The following ANO4 variants were observed in gnomAD, a reference collection of about 807,000 sequenced individuals.
The protein encoded by ANO4 is anoctamin 4.
In ANO4, 69 loss-of-function variants were observed where a neutral mutation model predicts 141.9. The ratio of observed to expected loss-of-function variants is 0.49; its 90% CI spans 0.40 to 0.59. The LOEUF is 0.59. Ranked by LOEUF, ANO4 falls within the 20% of genes least tolerant of loss-of-function variation. ANO4 has a pLI of 0.00. For synonymous variants in ANO4, 350 were observed against 394.3 expected, an observed-to-expected ratio of 0.89 and a Z score of 1.33; for missense variants, 894 against 1,162.2, an observed-to-expected ratio of 0.77 and a Z score of 3.36.
intron 7 of ANO4, among the ~76,000 whole-genome samples, chr12:100,978,198 T>C (rs1442951154): frequency 6.6e-6 from 1 of 152,142 alleles, no homozygotes; most frequent in Non-Finnish European, 1.5e-5. Context: ...ACCAAGCACA[T>C]AGGAGATGGA....
chr12:101,034,726 CAG>C (rs1042082150), intron 9 of ANO4, among the ~76,000 whole-genome samples: 3 of 152,100 alleles, frequency 2.0e-5, no homozygotes, highest in African/African-American at 7.2e-5. Flanking sequence ...ACTCAAAACT[CAG>C]TGAATCCAAA....
At chr12:100,931,932 AGT>A (rs1279255635) in intron 3 of ANO4, among the ~76,000 whole-genome samples, 2 of 152,022 alleles carry the variant, frequency 1.3e-5, no homozygotes, top group East Asian at 3.9e-4. Flanking sequence ...CAATCTGGTA[AGT>A]GTTAAAATTG....
intron 1 of ANO4, among the ~76,000 whole-genome samples, chr12:100,888,501 A>G (rs2039947534): frequency 1.3e-5 from 2 of 152,252 alleles, no homozygotes; most frequent in Non-Finnish European, 2.9e-5. Context: ...TAGACCTTGC[A>G]GAGGGCTTTC....
At chr12:100,720,372 T>A (rs1474322632) in intron 1 of ANO4, among the ~76,000 whole-genome samples, 1 of 151,962 alleles carries the variant, frequency 6.6e-6, no homozygotes, top group Non-Finnish European at 1.5e-5. Context: ...AATGAGGCAT[T>A]CCATTACATG....
At chr12:101,068,298 C>A in intron 14 of ANO4, 1 of 1,400,632 alleles carries the variant, frequency 7.1e-7, no homozygotes, top group Non-Finnish European at 1.0e-6. Flanking sequence ...ATTCCGCCTG[C>A]TCCTACGAAG....
chr12:101,127,188 T>A, intron 27 of ANO4, 114 bp downstream of exon 27: 1 of 1,097,968 alleles, frequency 9.1e-7, no homozygotes, highest in Non-Finnish European at 1.3e-6. Context: ...AATAAACTCC[T>A]TAGAAGCTTC....
intron 1 of ANO4, among the ~76,000 whole-genome samples, chr12:100,722,092 G>A (rs12372203): frequency 6.6e-6 from 1 of 152,182 alleles, no homozygotes; most frequent in African/African-American, 2.4e-5. Context: ...CGCAGGAGCA[G>A]TATGTAGTGC....
At chr12:100,791,881 A>G (rs2034060229), upstream of ANO4, among the ~76,000 whole-genome samples, 2 of 152,204 alleles carry the variant, frequency 1.3e-5, no homozygotes, top group African/African-American at 4.8e-5. Context: ...ACTCTGGCAC[A>G]TGGTGGGGTT....
intron 1 of ANO4, among the ~76,000 whole-genome samples, chr12:100,844,250 A>G (rs17403347): frequency 0.2 from 30,903 of 151,942 alleles, 3,199 homozygotes; most frequent in African/African-American, 0.22. Context: ...TGAGATACTT[A>G]GAGACAAGAA....
chr12:100,883,798 A>G (rs899524027), intron 1 of ANO4, among the ~76,000 whole-genome samples: 20 of 152,248 alleles, frequency 1.3e-4, no homozygotes, highest in African/African-American at 4.6e-4. Flanking sequence ...AAGATCATAT[A>G]GAATGAAAAC....
At chr12:100,808,151 A>AT in intron 1 of ANO4, among the ~76,000 whole-genome samples, 2 of 152,152 alleles carry the variant, frequency 1.3e-5, no homozygotes, top group South Asian at 4.1e-4. Context: ...ACTGACTTCC[A>AT]TAATGTCTGA....
intron 14 of ANO4, among the ~76,000 whole-genome samples, chr12:101,054,160 A>G (rs138327149): frequency 6.6e-6 from 1 of 152,370 alleles, no homozygotes; most frequent in African/African-American, 2.4e-5. Flanking sequence ...GTCCAACAAT[A>G]GAAGAACGGT....
intron 1 of ANO4, among the ~76,000 whole-genome samples, chr12:100,725,759 A>G (rs1047862142): frequency 1.3e-5 from 2 of 152,202 alleles, no homozygotes; most frequent in Non-Finnish European, 2.9e-5. Context: ...ATTTCCCCAA[A>G]TCAGAGTGAA....
intron 1 of ANO4, among the ~76,000 whole-genome samples, chr12:100,864,955 G>A (rs942603072): frequency 6.6e-6 from 1 of 152,104 alleles, no homozygotes; most frequent in African/African-American, 2.4e-5. Context: ...TTCTGTTCCT[G>A]TGTTAGTTTG....
intron 1 of ANO4, among the ~76,000 whole-genome samples, chr12:100,875,409 T>G (rs2039250328): frequency 1.3e-5 from 2 of 152,184 alleles, no homozygotes; most frequent in Admixed American, 6.5e-5. Flanking sequence ...TGACCAGAAC[T>G]CAGACACGTA....
At chr12:101,027,826 A>C (rs1038752371) in intron 9 of ANO4, among the ~76,000 whole-genome samples, 1 of 152,128 alleles carries the variant, frequency 6.6e-6, no homozygotes, top group South Asian at 2.1e-4. Flanking sequence ...GACAGTGAAA[A>C]TGCTTCATTA....
intron 3 of ANO4, among the ~76,000 whole-genome samples, chr12:100,744,581 C>A (rs557329941): frequency 1.3e-5 from 2 of 152,206 alleles, no homozygotes; most frequent in South Asian, 2.1e-4. Context: ...AATTAGGATT[C>A]CAACATATGA....
chr12:100,898,826 C>T (rs2040459684), intron 1 of ANO4, among the ~76,000 whole-genome samples: 1 of 152,190 alleles, frequency 6.6e-6, no homozygotes, highest in South Asian at 2.1e-4. Context: ...TATTTGCAGA[C>T]TGAGAGTGCA....
intron 1 of ANO4, among the ~76,000 whole-genome samples, chr12:100,879,205 C>A (rs2039451787): frequency 6.6e-6 from 1 of 152,124 alleles, no homozygotes; most frequent in African/African-American, 2.4e-5. Flanking sequence ...GTGAAGCAAG[C>A]CATTGGAACA....
Sources: allele counts gnomAD v4.1 joint callset (sites outside exome capture counted in the v4.1 genomes callset), GRCh38; gene constraint gnomAD v4.1.1; transcripts MANE v1.5; gene names NCBI Gene and HGNC (gene_info 2026-07-23, HGNC 2026-07-21).